C10orf53: variants seen among roughly 807,000 people sequenced by gnomAD.
The protein encoded by C10orf53 is UPF0728 protein C10orf53.
A neutral mutation model predicts 9.4 loss-of-function variants in C10orf53; 8 were observed. The ratio of observed to expected loss-of-function variants is 0.85; its 90% CI spans 0.50 to 1.53. The LOEUF is 1.53. C10orf53 is among the 40% of genes most tolerant of loss of function. The pLI is 0.00. For missense variants in C10orf53, 117 were observed against 117.8 expected (o/e 0.99, Z 0.03); for synonymous variants, 48 against 46.0 (o/e 1.04, Z -0.18).
Position 49,696,224 on chromosome 10 carries a change from C to T in C10orf53, c.*1622C>T, listed in dbSNP as rs368486206. On this transcript the variant is annotated 3_prime_UTR_variant, in exon 3 of 3. Coordinates refer to ENST00000374111, the MANE Select transcript of C10orf53 (RefSeq NM_001042427.3). ...CAGGTATGTTGAATCTTTTTTTAAA[C>T]GTAACATTTTACATAGAGCCTCTTC... is the stretch of plus-strand genomic sequence containing the variant. 1.3e-3 allele frequency among the ~76,000 whole-genome samples: 197 copies of T among 152,148 alleles called. 1 individual carries two copies. The South Asian group carries it at 0.027, about 21-fold the overall frequency.
At chr10:49,686,461 G>A (rs917710849) in intron 1 of C10orf53, among the ~76,000 whole-genome samples, 6 of 152,200 alleles carry the variant, frequency 3.9e-5, no homozygotes, top group Non-Finnish European at 7.3e-5. Context: ...GTCTGCCTGC[G>A]GGGTCGGGCA....
At chr10:49,690,431 CTG>C (rs1368911928) in intron 1 of C10orf53, among the ~76,000 whole-genome samples, 7 of 152,206 alleles carry the variant, frequency 4.6e-5, no homozygotes, top group African/African-American at 7.2e-5. Context: ...TCTGAATTCT[CTG>C]TGTTTCTTTT....
At chr10:49,681,986 C>T (rs1025729059) in intron 1 of C10orf53, among the ~76,000 whole-genome samples, 2 of 152,098 alleles carry the variant, frequency 1.3e-5, no homozygotes, top group Non-Finnish European at 2.9e-5. Context: ...AAGAAGACAG[C>T]CTAAATAAGT....
At chr10:49,688,249 A>G (rs1840547849) in intron 1 of C10orf53, among the ~76,000 whole-genome samples, 1 of 151,446 alleles carries the variant, frequency 6.6e-6, no homozygotes, top group Admixed American at 6.6e-5. Flanking sequence ...CTCAGGCCAG[A>G]CACCCTGCAG....
downstream of C10orf53, among the ~76,000 whole-genome samples, chr10:49,699,463 G>A (rs905394911): frequency 7.2e-5 from 11 of 151,910 alleles, no homozygotes; most frequent in Non-Finnish European, 1.0e-4. Flanking sequence ...CCAAAGTGCC[G>A]GGATTACAGG....
At chr10:49,691,533 C>G (rs528490641) in intron 1 of C10orf53, among the ~76,000 whole-genome samples, 35 of 152,332 alleles carry the variant, frequency 2.3e-4, no homozygotes, top group African/African-American at 8.2e-4. Context: ...CTGTAGAGGG[C>G]AGAGTGAAGA....
At chr10:49,708,672 G>T in exon 3 of C10orf53, 1 of 1,595,254 alleles carries the variant, frequency 6.3e-7, no homozygotes, top group Non-Finnish European at 8.5e-7. Flanking sequence ...GAAAATGGTG[G>T]GTCTGTTTCC....
chr10:49,682,045 C>G (rs1448925308), intron 1 of C10orf53, among the ~76,000 whole-genome samples: 1 of 152,172 alleles, frequency 6.6e-6, no homozygotes, highest in Non-Finnish European at 1.5e-5. Context: ...CCCACCCTCA[C>G]CTCATAATCT....
At chr10:49,699,308 C>T (rs558970586), downstream of C10orf53, among the ~76,000 whole-genome samples, 2 of 148,524 alleles carry the variant, frequency 1.3e-5, no homozygotes, top group South Asian at 4.3e-4. Flanking sequence ...ATCCTCCTGC[C>T]TCAGCCTTCC....
At chr10:49,689,656 T>C (rs1054551048) in intron 1 of C10orf53, among the ~76,000 whole-genome samples, 2 of 152,090 alleles carry the variant, frequency 1.3e-5, no homozygotes, top group East Asian at 3.9e-4. Context: ...GCGTACATCA[T>C]GTAAAATCCT....
Position 49,695,413 on chromosome 10 carries a change from G to A in C10orf53, c.*811G>A. ...ATTCTTAACTATAGAGTAACAGAGA[G>A]GGGGAAATGCAGATATTGATCTAAT... is the stretch of plus-strand genomic sequence containing the variant. On this transcript the variant is annotated 3_prime_UTR_variant, in exon 3 of 3. Transcript: ENST00000374111. 1 of 152,176 alleles carries A rather than the reference G, an allele frequency of 6.6e-6. No homozygotes were observed. The highest frequency in any genetic ancestry group is 1.9e-4 in the East Asian group (1 of 5,198). 9.4% of individuals were successfully genotyped at this position (152,176 alleles called of 1,614,324 possible).
At chr10:49,687,418 A>C (rs1840539559) in intron 1 of C10orf53, among the ~76,000 whole-genome samples, 1 of 152,160 alleles carries the variant, frequency 6.6e-6, no homozygotes, top group South Asian at 2.1e-4. Context: ...TCCTGCCTAC[A>C]TTTTTGGCAC....
intron 1 of C10orf53, among the ~76,000 whole-genome samples, chr10:49,691,127 TA>T (rs1840580303): frequency 6.6e-6 from 1 of 152,184 alleles, no homozygotes; most frequent in African/African-American, 2.4e-5. Context: ...TTTCTTTGAC[TA>T]GACAACCCCA....
At chr10:49,701,392 G>A (rs1392525992), downstream of C10orf53, among the ~76,000 whole-genome samples, 1 of 152,158 alleles carries the variant, frequency 6.6e-6, no homozygotes, top group African/African-American at 2.4e-5. Flanking sequence ...TGTACAAATT[G>A]CTGCGTTTTT....
chr10:49,684,525 A>T (rs1428249331), intron 1 of C10orf53, among the ~76,000 whole-genome samples: 1 of 152,114 alleles, frequency 6.6e-6, no homozygotes, highest in Non-Finnish European at 1.5e-5. Flanking sequence ...GATCTTTCTT[A>T]ATTTATTTTA....
intron 1 of C10orf53, 105 bp downstream of exon 1, chr10:49,679,899 CT>C: frequency 1.9e-6 from 2 of 1,054,370 alleles, no homozygotes; most frequent in Non-Finnish European, 2.6e-6. Context: ...GAAGCGCCAC[CT>C]CTCCAGGAAG....
intron 2 of C10orf53, among the ~76,000 whole-genome samples, chr10:49,707,863 T>A (rs1458277863): frequency 1.3e-5 from 2 of 152,074 alleles, no homozygotes; most frequent in Non-Finnish European, 2.9e-5. Context: ...TCTCAGTGGT[T>A]TTCCTTAGAA....
intron 2 of C10orf53, among the ~76,000 whole-genome samples, chr10:49,704,292 G>C (rs1298227342): frequency 2.2e-4 from 33 of 152,154 alleles, no homozygotes; most frequent in Non-Finnish European, 1.5e-5. Context: ...TTAACCTACA[G>C]AGAGCTCCCA....
downstream of C10orf53, among the ~76,000 whole-genome samples, chr10:49,702,212 A>AAAGG (rs200870332): frequency 1.8e-5 from 2 of 112,008 alleles, no homozygotes; most frequent in South Asian, 3.7e-4. Context: ...AAAACAAAGA[A>AAAGG]AAGGAAGGAA....
Sources: gnomAD v4.1 joint callset for allele counts (sites outside exome capture counted in the v4.1 genomes callset) on GRCh38, gnomAD v4.1.1 for gene constraint, MANE v1.5 for transcripts, NCBI Gene and HGNC (gene_info 2026-07-23, HGNC 2026-07-21) for gene names.